Variants in CUX2 observed in about 807,000 individuals in gnomAD.
CUX2 encodes homeobox protein cut-like 2.
CUX2 carries 40 observed loss-of-function variants against 144.8 expected under a neutral mutation model. That is an observed-to-expected ratio of 0.28 (90% CI 0.21 to 0.36). The LOEUF is 0.36. Among genes scored for constraint, CUX2 ranks in the 10% least tolerant of loss-of-function variants. The pLI is 1.00. For synonymous variants in CUX2, 827 were observed against 875.6 expected, an observed-to-expected ratio of 0.94 and a Z score of 0.98; for missense variants, 1,615 against 1,994.0, an observed-to-expected ratio of 0.81 and a Z score of 3.62.
intron 3 of CUX2, among the ~76,000 whole-genome samples, chr12:111,241,523 C>T (rs1883020408): frequency 6.6e-6 from 1 of 152,230 alleles, no homozygotes; most frequent in Non-Finnish European, 1.5e-5. Flanking sequence ...CTTCCACATG[C>T]TTTTCCTAGG....
chr12:111,257,064 C>G (rs574718577), intron 3 of CUX2, among the ~76,000 whole-genome samples: 1 of 152,258 alleles, frequency 6.6e-6, no homozygotes, highest in East Asian at 1.9e-4. Context: ...CGTTCATCCT[C>G]GGGGGACTAA....
chr12:111,161,751 T>G (rs112004770), intron 1 of CUX2, among the ~76,000 whole-genome samples: 3,921 of 152,274 alleles, frequency 0.026, 181 homozygotes, highest in African/African-American at 0.09. Flanking sequence ...TTTTGTTTTC[T>G]TGAGACAGGG....
chr12:111,184,774 C>T (rs1879410729), intron 1 of CUX2, among the ~76,000 whole-genome samples: 1 of 150,594 alleles, frequency 6.6e-6, no homozygotes, highest in Non-Finnish European at 1.5e-5. Context: ...AAGAAAATGA[C>T]ACATTGCGGC....
rs568480074 is a variant in CUX2, at chr12:111,058,565, G to C, written c.63+24325G>C. On this transcript the variant is annotated intron_variant, in intron 1 of 21. Coordinates refer to ENST00000261726, the MANE Select transcript of CUX2 (RefSeq NM_015267.4). Reference sequence around the variant, plus strand: ...AGAGAGAGACAGAGAGAGAGAGAGAGAGACAGACAGACAGAGAGAGAGACA... The same window carrying C: ...AGAGAGAGACAGAGAGAGAGAGAGACAGACAGACAGACAGAGAGAGAGACA... Among the ~76,000 whole-genome samples, 308 of 152,214 alleles carry C rather than the reference G, an allele frequency of 2.0e-3. 1 individual carries two copies. Among genetic ancestry groups the C allele is most frequent in the African/African-American group, 6.2e-3 (259 of 41,492 alleles).
At chr12:111,078,647 G>A (rs1171814564) in intron 1 of CUX2, among the ~76,000 whole-genome samples, 1 of 152,120 alleles carries the variant, frequency 6.6e-6, no homozygotes, top group Non-Finnish European at 1.5e-5. Context: ...TCCAGCCTGG[G>A]CGACCGAGAA....
chr12:111,235,994 C>A (rs1882720144), intron 3 of CUX2, among the ~76,000 whole-genome samples: 1 of 152,150 alleles, frequency 6.6e-6, no homozygotes, highest in African/African-American at 2.4e-5. Flanking sequence ...GCCAGTGGGA[C>A]CTGGCACGGC....
At chr12:111,044,113 C>A (rs1349666610) in intron 1 of CUX2, among the ~76,000 whole-genome samples, 2 of 152,192 alleles carry the variant, frequency 1.3e-5, no homozygotes, top group Non-Finnish European at 2.9e-5. Flanking sequence ...CACACTGGCT[C>A]CCTCCGGCAG....
At position 111,176,823 on chromosome 12, in the gene CUX2, T is replaced by A. The variant is rs80197049; in HGVS notation, c.64-37377T>A. Among the ~76,000 whole-genome samples the A allele has an allele frequency of 1.8e-3, 276 of 152,268 alleles. 3 individuals are homozygous for A. Among genetic ancestry groups the A allele is most frequent in the African/African-American group, 6.5e-3 (268 of 41,548 alleles). Reference sequence around the variant, plus strand: ...AACTCCTCTCCCATTCATTCCCCAATTCCTCCAGTCTGTTCACCGGAGGAA... The same window carrying A: ...AACTCCTCTCCCATTCATTCCCCAAATCCTCCAGTCTGTTCACCGGAGGAA... On this transcript the variant is annotated intron_variant, in intron 1 of 21. Coordinates refer to ENST00000261726, the MANE Select transcript of CUX2 (RefSeq NM_015267.4).
At chr12:111,228,423 T>A (rs1231488229) in intron 3 of CUX2, among the ~76,000 whole-genome samples, 1 of 151,936 alleles carries the variant, frequency 6.6e-6, no homozygotes, top group Non-Finnish European at 1.5e-5. Context: ...ATGGTGTGTG[T>A]GTGTGTGTAT....
chr12:111,249,034 C>T (rs1290784859), intron 3 of CUX2, among the ~76,000 whole-genome samples: 1 of 152,116 alleles, frequency 6.6e-6, no homozygotes, highest in Non-Finnish European at 1.5e-5. Flanking sequence ...TGCATCTGGC[C>T]GTGGACCCAC....
intron 18 of CUX2, among the ~76,000 whole-genome samples, chr12:111,327,942 T>TAGTC (rs1293674631): frequency 6.6e-6 from 1 of 152,186 alleles, no homozygotes; most frequent in Non-Finnish European, 1.5e-5. Flanking sequence ...CAGGTGCCTG[T>TAGTC]AGTCCCAGCT....
At chr12:111,140,858 G>C (rs1241785478) in intron 1 of CUX2, among the ~76,000 whole-genome samples, 1 of 152,210 alleles carries the variant, frequency 6.6e-6, no homozygotes, top group Non-Finnish European at 1.5e-5. Flanking sequence ...TGATATTTCA[G>C]TTTTATTTCC....
At chr12:111,278,052 G>C (rs1177122066) in intron 4 of CUX2, among the ~76,000 whole-genome samples, 1 of 152,158 alleles carries the variant, frequency 6.6e-6, no homozygotes, top group African/African-American at 2.4e-5. Flanking sequence ...AGCCAGCCGG[G>C]CAGCCTCTTC....
intron 18 of CUX2, among the ~76,000 whole-genome samples, chr12:111,326,621 C>A (rs990121526): frequency 6.6e-5 from 10 of 151,910 alleles, no homozygotes; most frequent in South Asian, 2.1e-4. Flanking sequence ...ATTCACATAA[C>A]AGCTGGGCAC....
At chr12:111,119,158 T>C (rs1303504156) in intron 1 of CUX2, among the ~76,000 whole-genome samples, 2 of 152,206 alleles carry the variant, frequency 1.3e-5, no homozygotes, top group Non-Finnish European at 2.9e-5. Context: ...TTGTGGGCCA[T>C]AGGGTCTCTG....
At chr12:111,330,712 T>TACATACATATAC (rs1218061628) in intron 18 of CUX2, among the ~76,000 whole-genome samples, 2 of 27,250 alleles carry the variant, frequency 7.3e-5, no homozygotes, top group African/African-American at 3.0e-4. Flanking sequence ...TATATATATA[T>TACATACATATAC]ATATATATAT....
chr12:111,126,162 G>C, intron 1 of CUX2, among the ~76,000 whole-genome samples: 1 of 151,260 alleles, frequency 6.6e-6, no homozygotes, highest in Non-Finnish European at 1.5e-5. Context: ...AGGCTGGAGT[G>C]CGGGGACATA....
chr12:111,313,613 G>T lies in CUX2; in HGVS notation c.2002+1412G>T, dbSNP rs57964065. 4.3e-3 allele frequency among the ~76,000 whole-genome samples: 651 copies of T among 151,680 alleles called. 3 individuals are homozygous for T. Among genetic ancestry groups the T allele is most frequent in the African/African-American group, 0.015 (622 of 41,372 alleles). On this transcript the variant is annotated intron_variant, in intron 16 of 21. Transcript: ENST00000261726. ...GCCGAGATCACACCACTGCACTCCA[G>T]CCTGGGTGACAAAAGCAAAACTCCA...
chr12:111,110,440 G>A (rs560963602), intron 1 of CUX2, among the ~76,000 whole-genome samples: 47 of 152,126 alleles, frequency 3.1e-4, no homozygotes, highest in African/African-American at 9.6e-4. Flanking sequence ...ATATCCCTTC[G>A]CCAGAGTGAC....
Sources: allele counts gnomAD v4.1 joint callset (sites outside exome capture counted in the v4.1 genomes callset), GRCh38; gene constraint gnomAD v4.1.1; transcripts MANE v1.5; gene names NCBI Gene and HGNC (gene_info 2026-07-23, HGNC 2026-07-21).